KLRG2: variants seen among roughly 807,000 people sequenced by gnomAD.
KLRG2 encodes killer cell lectin-like receptor subfamily G member 2.
Under a neutral mutation model 35.4 loss-of-function variants are expected in KLRG2, and 39 were observed. The ratio of observed to expected loss-of-function variants is 1.10; its 90% confidence interval spans 0.85 to 1.44. The LOEUF is 1.44. KLRG2 is among the 40% of genes most tolerant of loss of function. The pLI is 0.00. For missense variants in KLRG2, 632 were observed against 570.9 expected (o/e 1.11, Z -1.09); for synonymous variants, 283 against 265.8 (o/e 1.06, Z -0.63).
At chr7:139,442,240 A>T in the KLRG2 span, among the ~76,000 whole-genome samples, 4 of 152,144 alleles carry the variant, frequency 2.6e-5, no homozygotes, top group Non-Finnish European at 5.9e-5. Flanking sequence ...GAAGGAAGGA[A>T]TCTGCAAGTG....
At chr7:139,436,732 G>A in the KLRG2 span, among the ~76,000 whole-genome samples, 1 of 152,220 alleles carries the variant, frequency 6.6e-6, no homozygotes, top group Non-Finnish European at 1.5e-5. Flanking sequence ...AGGCAGCTTG[G>A]AATTGGGTTT....
chr7:139,457,848 T>C (rs1218323571), intron 3 of KLRG2, among the ~76,000 whole-genome samples: 1 of 152,108 alleles, frequency 6.6e-6, no homozygotes, highest in African/African-American at 2.4e-5. Context: ...AGGGAAGGCA[T>C]TGTTCAGAGT....
chr7:139,480,423 A>G (rs1296835916), intron 1 of KLRG2, among the ~76,000 whole-genome samples, 176 bp from the exon 2 acceptor site: 1 of 151,604 alleles, frequency 6.6e-6, no homozygotes, highest in African/African-American at 2.4e-5. Context: ...TATTCTGGAG[A>G]AAGAAGCCAG....
At chr7:139,460,873 C>T (rs539063778) in intron 3 of KLRG2, among the ~76,000 whole-genome samples, 10 of 152,194 alleles carry the variant, frequency 6.6e-5, no homozygotes, top group African/African-American at 1.9e-4. Flanking sequence ...GCACCAGAAT[C>T]GCTTGAACCC....
At position 139,483,307 on chromosome 7, in the gene KLRG2, A is replaced by G; in HGVS notation, c.336T>C (p.Ala112=). Residue 112 remains alanine, a synonymous_variant, in exon 1 of 5, where the codon GCT becomes GCC. Coordinates refer to ENST00000340940, the MANE Select transcript of KLRG2 (RefSeq NM_198508.4). The part of the protein sequence containing the change: ...KLPRNGEAPG[A]EPAPSAWAPM... ...GCGCCCAGGCGCTGGGCGCAGGCTCAGCCCCGGGCGCCTCGCCATTCCGGG... is the reference window on the plus strand; with the variant it reads ...GCGCCCAGGCGCTGGGCGCAGGCTCGGCCCCGGGCGCCTCGCCATTCCGGG... 1.3e-6 allele frequency: 2 copies of G among 1,552,504 alleles called. No individual in the cohort carries two copies. Among genetic ancestry groups the G allele is most frequent in the East Asian group, 2.5e-5 (1 of 39,892 alleles).
At chr7:139,436,677 C>T in the KLRG2 span, among the ~76,000 whole-genome samples, 2 of 152,252 alleles carry the variant, frequency 1.3e-5, no homozygotes, top group African/African-American at 4.8e-5. Flanking sequence ...CTCTTGGCCT[C>T]TCTAAGGCCC....
chr7:139,445,534 A>G, the KLRG2 span, among the ~76,000 whole-genome samples: 1 of 151,890 alleles, frequency 6.6e-6, no homozygotes, highest in Non-Finnish European at 1.5e-5. Flanking sequence ...CTTGAGAAAC[A>G]GCTAGAGGGG....
intron 3 of KLRG2, among the ~76,000 whole-genome samples, chr7:139,463,177 C>T (rs1796596280): frequency 6.6e-6 from 1 of 152,194 alleles, no homozygotes; most frequent in African/African-American, 2.4e-5. Context: ...AATAGAAAAA[C>T]CCAGCCCAGT....
chr7:139,456,662 ATTT>A (rs1384827300), intron 3 of KLRG2, among the ~76,000 whole-genome samples: 2 of 151,902 alleles, frequency 1.3e-5, no homozygotes, highest in Non-Finnish European at 2.9e-5. Flanking sequence ...TCTCTTTTTT[ATTT>A]TTTAAGAGAC....
chr7:139,445,797 G>GTGTATATATATATATATATGTA, the KLRG2 span, among the ~76,000 whole-genome samples: 13 of 99,012 alleles, frequency 1.3e-4, 1 homozygote, highest in South Asian at 2.4e-3. Flanking sequence ...ATATATGTGT[G>GTGTATATATATATATATATGTA]TATATATATA....
At chr7:139,427,857 C>T in the KLRG2 span, among the ~76,000 whole-genome samples, 17 of 152,158 alleles carry the variant, frequency 1.1e-4, no homozygotes, top group African/African-American at 2.7e-4. Flanking sequence ...TTAACTCACA[C>T]GATCTCATTT....
chr7:139,429,386 C>CT, the KLRG2 span, among the ~76,000 whole-genome samples: 63 of 144,106 alleles, frequency 4.4e-4, no homozygotes, highest in South Asian at 3.7e-3. Flanking sequence ...TTTTCTTTTT[C>CT]TTTTTTTTTT....
the KLRG2 span, among the ~76,000 whole-genome samples, chr7:139,428,893 AAC>A: frequency 2.0e-5 from 3 of 152,194 alleles, no homozygotes; most frequent in African/African-American, 4.8e-5. Context: ...CAATTTGATA[AAC>A]ACATAAAGAG....
chr7:139,444,562 C>A, the KLRG2 span, among the ~76,000 whole-genome samples: 8 of 152,184 alleles, frequency 5.3e-5, no homozygotes, highest in South Asian at 2.1e-4. Flanking sequence ...TCTCTCCATG[C>A]CACGTGAGGA....
chr7:139,479,308 C>T (rs950742923), intron 3 of KLRG2, among the ~76,000 whole-genome samples: 100 of 152,150 alleles, frequency 6.6e-4, no homozygotes, highest in African/African-American at 2.3e-3. Context: ...GTCTAGAACT[C>T]CTGACCTTGT....
At chr7:139,440,653 T>C in the KLRG2 span, among the ~76,000 whole-genome samples, 25 of 152,236 alleles carry the variant, frequency 1.6e-4, no homozygotes, top group Admixed American at 1.6e-3. Flanking sequence ...TCTCACTATG[T>C]TGTCCAGGCT....
rs183051752 is a variant in KLRG2 at position 139,453,702 on chromosome 7, G to A, written c.1115C>T (p.Pro372Leu). ...ATCCAGATTGTCCTCGCCGTCCTCAGGGAGTCTGGGAAAGGATGGGAGGGG... is the reference window on the plus strand; with the variant it reads ...ATCCAGATTGTCCTCGCCGTCCTCAAGGAGTCTGGGAAAGGATGGGAGGGG... The part of the protein sequence containing the change: ...DEAPLPPQLL[P>L]EDGEDNLDIN... The change falls in exon 5 of 5, where the codon CCT becomes CTT. Residue 372 changes from proline to leucine, a missense_variant. Transcript: ENST00000340940. 2 of 1,614,088 alleles carry A rather than the reference G, an allele frequency of 1.2e-6. No individual in the cohort carries two copies. The highest frequency in any genetic ancestry group is 4.5e-5 in the East Asian group (2 of 44,874).
downstream of KLRG2, among the ~76,000 whole-genome samples, chr7:139,448,364 G>A (rs992516253): frequency 6.6e-6 from 1 of 152,134 alleles, no homozygotes; most frequent in Non-Finnish European, 1.5e-5. Flanking sequence ...CAGTCTGTTT[G>A]TATGCCTGAA....
intron 3 of KLRG2, among the ~76,000 whole-genome samples, chr7:139,475,591 C>G (rs116210685): frequency 0.017 from 2,650 of 151,826 alleles, 72 homozygotes; most frequent in African/African-American, 0.061. Context: ...CCACCCAGCT[C>G]TATAAGGACA....
Sources: gnomAD v4.1 joint callset for allele counts (sites outside exome capture counted in the v4.1 genomes callset) on GRCh38, gnomAD v4.1.1 for gene constraint, MANE v1.5 for transcripts, NCBI Gene and HGNC (gene_info 2026-07-23, HGNC 2026-07-21) for gene names.